The following SMARCA5 variants were observed in gnomAD, a reference collection of about 807,000 sequenced individuals.
SMARCA5 encodes the protein SNF2 related chromatin remodeling ATPase 5.
A neutral mutation model predicts 140.4 loss-of-function variants in SMARCA5; 18 were observed. The observed-to-expected ratio is 0.13, with a 90% CI of 0.09 to 0.19. The LOEUF (loss-of-function observed/expected upper bound fraction) is 0.19, where lower values mean the gene tolerates loss of function less well. SMARCA5 is among the 10% of genes least tolerant of loss of function. The pLI is 1.00. For synonymous variants in SMARCA5, 449 were observed against 419.6 expected (o/e 1.07, Z -0.86); for missense variants, 606 against 1,276.8 (o/e 0.47, Z 8.01).
chr4:143,520,763 T>C (rs986418619), intron 2 of SMARCA5, among the ~76,000 whole-genome samples: 1 of 152,190 alleles, frequency 6.6e-6, no homozygotes, highest in Non-Finnish European at 1.5e-5. Context: ...AATTTCATTA[T>C]TTTTATGAAA....
Position 143,550,119 on chromosome 4 carries a change from A to G in SMARCA5, c.3093+15A>G. The stretch of plus-strand genomic sequence containing the variant: ...CAAAGCCTTCAGTAAGTATTCATGA[A>G]TATGTAAATATGTGGATTATGTAAA... On this transcript the variant is annotated intron_variant, in intron 23 of 23. Transcript: ENST00000283131. 2.2e-6 allele frequency: 3 copies of G among 1,346,182 alleles called. No homozygotes were observed. Among genetic ancestry groups the G allele is most frequent in the Middle Eastern group, 1.8e-4 (1 of 5,518 alleles). The allele number at this position is 1,346,182 out of a possible 1,614,324, so 83.4% of individuals were successfully genotyped here. A position where few individuals can be genotyped will look rare whatever the true frequency, so the allele number is the denominator to read the frequency against.
chr4:143,546,111 GT>G (rs1446932200), intron 19 of SMARCA5, 64 bp downstream of exon 19: 4 of 1,248,052 alleles, frequency 3.2e-6, no homozygotes, highest in Non-Finnish European at 4.3e-6. Flanking sequence ...GTTAGGTTAT[GT>G]TGGGGCATAA....
intron 6 of SMARCA5, 32 bp from the exon 7 acceptor site, chr4:143,527,836 A>G: frequency 6.4e-7 from 1 of 1,568,432 alleles, no homozygotes; most frequent in African/African-American, 1.4e-5. Context: ...GTTTATTTCT[A>G]CGTGATGTAA....
rs763829215 is a variant in SMARCA5, at chr4:143,521,496, A to G, written c.320A>G (p.Gln107Arg). The part of the protein sequence containing the change: ...KQTELFAHFI[Q>R]PAAQKTPTSP... ...ACAGAACTTTTTGCACATTTCATTC[A>G]ACCTGCTGCTCAGAAGACTCCAACT... The change falls in exon 3 of 24, where the codon CAA becomes CGA. Residue 107 changes from glutamine (Q) to arginine (R), a missense_variant. Physicochemically the swap from Gln to Arg is conservative, Grantham distance 43. Coordinates refer to ENST00000283131, the MANE Select transcript of SMARCA5 (RefSeq NM_003601.4). The G allele has an allele frequency of 3.1e-5, 50 of 1,613,610 alleles. No homozygotes were observed. The highest frequency in any genetic ancestry group is 4.2e-5 in the Non-Finnish European group (49 of 1,179,736).
Position 143,538,873 on chromosome 4 carries a change from G to A in SMARCA5, c.1705G>A (p.Ala569Thr). 6.2e-7 allele frequency: 1 copy of A among 1,614,060 alleles called. No individual in the cohort carries two copies. The highest frequency in any genetic ancestry group is 8.5e-7 in the Non-Finnish European group (1 of 1,179,970). ...TGCTGGTGGTCTTGGCATCAATCTT[G>A]CGACTGCTGATGTAGTAATTTTGTA... is the stretch of plus-strand genomic sequence containing the variant. ...TRAGGLGINL[A>T]TADVVILYDS... Residue 569 changes from alanine (A) to threonine (T), a missense_variant, in exon 13 of 24, where the codon GCG becomes ACG. Physicochemically the swap from Ala to Thr is moderately conservative, Grantham distance 58. Transcript: ENST00000283131.
chr4:143,533,881 A>G (rs1737249735), intron 9 of SMARCA5, among the ~76,000 whole-genome samples: 1 of 152,172 alleles, frequency 6.6e-6, no homozygotes, highest in South Asian at 2.1e-4. Context: ...TGTTTTTAGT[A>G]TTTTATGGTA....
Position 143,513,952 on chromosome 4 carries a change from C to T in SMARCA5, c.28C>T (p.Pro10Ser), listed in dbSNP as rs1420160625. ...GTCGTCCGCGGCCGAGCCTCCGCCA[C>T]CCCCGCCTCCCGAGAGCGCGCCTTC... The part of the protein sequence containing the change: MSSAAEPPP[P>S]PPPESAPSKP... Residue 10 changes from proline to serine, a missense_variant, in exon 1 of 24, where the codon CCC becomes TCC. Around this residue, in one of 10 missense-constraint regions of SMARCA5, gnomAD observed 164 missense variants for 128.4 expected, o/e 1.28. Coordinates refer to ENST00000283131, the MANE Select transcript of SMARCA5 (RefSeq NM_003601.4). 3 of 1,550,156 alleles carry T rather than the reference C, an allele frequency of 1.9e-6. No homozygotes were observed. The highest frequency in any genetic ancestry group is 1.9e-5 in the Admixed American group (1 of 53,858).
chr4:143,523,201 A>AT (rs2149817382), intron 3 of SMARCA5, among the ~76,000 whole-genome samples: 1 of 151,802 alleles, frequency 6.6e-6, no homozygotes, highest in South Asian at 2.1e-4. Flanking sequence ...TCATTTTTGT[A>AT]TTTTTGGTAG....
At chr4:143,519,853 C>A (rs1177775533) in intron 2 of SMARCA5, among the ~76,000 whole-genome samples, 2 of 152,084 alleles carry the variant, frequency 1.3e-5, no homozygotes, top group African/African-American at 4.8e-5. Context: ...CCACTCTGAT[C>A]AGTCTTTCTT....
At chr4:143,528,394 C>T (rs1737117172) in intron 7 of SMARCA5, among the ~76,000 whole-genome samples, 189 bp from the exon 8 acceptor site, 2 of 152,214 alleles carry the variant, frequency 1.3e-5, no homozygotes, top group South Asian at 4.1e-4. Flanking sequence ...CCAGCTTCAT[C>T]CATGTCCTTG....
At chr4:143,537,035 T>C (rs188235070) in intron 11 of SMARCA5, among the ~76,000 whole-genome samples, 19 of 152,308 alleles carry the variant, frequency 1.2e-4, no homozygotes, top group African/African-American at 3.1e-4. Context: ...GTTCATGATA[T>C]TGTTTTTTAA....
Position 143,540,346 on chromosome 4 carries a change from C to A in SMARCA5, c.1771-17C>A. 1 of 1,560,802 alleles carries A rather than the reference C, an allele frequency of 6.4e-7. No individual in the cohort carries two copies. The highest frequency in any genetic ancestry group is 8.7e-7 in the Non-Finnish European group (1 of 1,155,992). ...GACTTTTAAACTAAATTCAAAATAA[C>A]ATGGTAATTTATTTAGGACCGAGCA... On this transcript the variant is annotated splice_polypyrimidine_tract_variant and intron_variant, in intron 13 of 23. Coordinates refer to ENST00000283131, the MANE Select transcript of SMARCA5 (RefSeq NM_003601.4).
chr4:143,550,590 C>T (rs1469085150), intron 23 of SMARCA5, among the ~76,000 whole-genome samples: 3 of 151,996 alleles, frequency 2.0e-5, no homozygotes, highest in African/African-American at 4.8e-5. Flanking sequence ...TCCCCCACCC[C>T]CACTGCCTTT....
intron 3 of SMARCA5, among the ~76,000 whole-genome samples, chr4:143,522,239 AT>A (rs1736978198): frequency 6.6e-6 from 1 of 152,230 alleles, no homozygotes; most frequent in Non-Finnish European, 1.5e-5. Flanking sequence ...TTTTATATAA[AT>A]TGAAGTGTCA....
In SMARCA5 at chr4:143,524,412, A is replaced by G. The variant is rs1335722647; in HGVS notation, c.465A>G (p.Leu155=). The change falls in exon 4 of 24, where the codon TTA becomes TTG. Residue 155 remains leucine, a synonymous_variant. Coordinates refer to ENST00000283131, the MANE Select transcript of SMARCA5 (RefSeq NM_003601.4). ...RTEQEEDEEL[L]TESSKATNVC... Reference sequence around the variant, plus strand: ...AGCAAGAGGAGGATGAAGAGCTATTAACAGAAAGCTCCAAAGCAACCAATG... The same window carrying G: ...AGCAAGAGGAGGATGAAGAGCTATTGACAGAAAGCTCCAAAGCAACCAATG... The G allele has an allele frequency of 6.2e-7, 1 of 1,613,276 alleles. No homozygotes were observed. The highest frequency in any genetic ancestry group is 8.5e-7 in the Non-Finnish European group (1 of 1,179,584).
intron 22 of SMARCA5, 142 bp downstream of exon 22, chr4:143,548,282 G>C (rs1737571007): frequency 1.9e-6 from 1 of 517,626 alleles, no homozygotes; most frequent in Admixed American, 3.3e-5. Flanking sequence ...CTAATACCAG[G>C]GATAGCTTAC....
chr4:143,555,343 G>T lies in SMARCA5; in HGVS notation c.*2159G>T. 4.1e-6 allele frequency: 3 copies of T among 725,630 alleles called. No homozygotes were observed. The highest frequency in any genetic ancestry group is 7.6e-6 in the Non-Finnish European group (3 of 394,442). 44.9% of individuals were successfully genotyped at this position (725,630 alleles called of 1,614,324 possible). A position where few individuals can be genotyped will look rare whatever the true frequency, so the allele number is the denominator to read the frequency against. ...TTCAATCATTACCAAATCTATTATA[G>T]CAATCCCCACTGCCACCATATCCAT... On this transcript the variant is annotated 3_prime_UTR_variant, in exon 24 of 24. Coordinates refer to ENST00000283131, the MANE Select transcript of SMARCA5 (RefSeq NM_003601.4).
chr4:143,544,164 A>C (rs370889273), intron 16 of SMARCA5, 192 bp downstream of exon 16: 1 of 364,452 alleles, frequency 2.7e-6, no homozygotes, highest in African/African-American at 2.1e-5. Context: ...AAATATTTTT[A>C]AAGTTTTTGT....
At position 143,526,450 on chromosome 4, in the gene SMARCA5, A is replaced by G. The variant is rs1737072633; in HGVS notation, c.791A>G (p.Lys264Arg). 3.1e-6 allele frequency: 5 copies of G among 1,601,788 alleles called. No homozygotes were observed. The highest frequency in any genetic ancestry group is 4.3e-6 in the Non-Finnish European group (5 of 1,173,752). The change falls in exon 6 of 24, where the codon AAA becomes AGA. Residue 264 changes from lysine (K) to arginine (R), a missense_variant. Coordinates refer to ENST00000283131, the MANE Select transcript of SMARCA5 (RefSeq NM_003601.4). ...AGATCTGTTTGTTTGATAGGAGATA[A>G]AGAACAAAGAGTAAGTTTCTAGTAT... ...TLRSVCLIGD[K>R]EQRAAFVRDV...
Sources: allele counts gnomAD v4.1 joint callset (sites outside exome capture counted in the v4.1 genomes callset), GRCh38; gene constraint gnomAD v4.1.1; regional missense constraint gnomAD v4.1.1; transcripts MANE v1.5; gene names NCBI Gene and HGNC (gene_info 2026-07-23, HGNC 2026-07-21).